CACNB2: variants seen among roughly 807,000 people sequenced by gnomAD.
The protein encoded by CACNB2 is voltage-dependent L-type calcium channel subunit beta-2.
CACNB2 carries 42 observed loss-of-function variants against 73.3 expected under a neutral mutation model. The observed-to-expected ratio is 0.57, with a 90% CI of 0.45 to 0.74. The LOEUF (loss-of-function observed/expected upper bound fraction) is 0.74, where lower values mean the gene tolerates loss of function less well. Among genes scored for constraint, CACNB2 ranks in the 30% least tolerant of loss-of-function variants. The probability of loss-of-function intolerance (pLI) is 0.00; values close to 1 mark genes in which losing one functional copy is unlikely to be tolerated. For synonymous variants in CACNB2, 348 were observed against 310.3 expected (o/e 1.12, Z -1.28); for missense variants, 940 against 853.0 (o/e 1.10, Z -1.27).
At chr10:18,397,834 C>G (rs1363843469) in intron 2 of CACNB2, among the ~76,000 whole-genome samples, 2 of 151,796 alleles carry the variant, frequency 1.3e-5, no homozygotes, top group Non-Finnish European at 2.9e-5. Context: ...AAAGTGAGAG[C>G]TCTAAGGATA....
At position 18,511,643 on chromosome 10, in the gene CACNB2, A is replaced by C. The variant is rs554019981; in HGVS notation, c.671-2593A>C. Reference sequence around the variant, plus strand: ...TATAATATGATGCTTTCCTGCAGTGAGTAAATTTTTTTTCTTCTCCTTGAC... The same window carrying C: ...TATAATATGATGCTTTCCTGCAGTGCGTAAATTTTTTTTCTTCTCCTTGAC... On this transcript the variant is annotated intron_variant, in intron 6 of 13. Transcript: ENST00000324631. 3.3e-5 allele frequency among the ~76,000 whole-genome samples: 5 copies of C among 152,252 alleles called. 1 individual carries two copies. Among genetic ancestry groups the C allele is most frequent in the Admixed American group, 6.5e-5 (1 of 15,294 alleles).
At chr10:18,345,816 G>A (rs1489940258) in intron 2 of CACNB2, among the ~76,000 whole-genome samples, 2 of 152,070 alleles carry the variant, frequency 1.3e-5, no homozygotes, top group Non-Finnish European at 2.9e-5. Context: ...CCTCAGTTTC[G>A]GAATGTGGAG....
At chr10:18,496,719 C>T (rs1202245288) in intron 3 of CACNB2, among the ~76,000 whole-genome samples, 2 of 139,458 alleles carry the variant, frequency 1.4e-5, no homozygotes, top group Non-Finnish European at 3.0e-5. Context: ...GAGGCTGAGG[C>T]AGGAGAACCG....
intron 3 of CACNB2, among the ~76,000 whole-genome samples, chr10:18,483,655 G>A (rs1053994114): frequency 1.3e-5 from 2 of 152,050 alleles, no homozygotes; most frequent in Non-Finnish European, 1.5e-5. Flanking sequence ...AGCTAAAACC[G>A]CAGCTGTTGC....
At position 18,506,540 on chromosome 10, in the gene CACNB2, A is replaced by G. The variant is rs1213446253; in HGVS notation, c.663A>G (p.Pro221=). The change falls in exon 6 of 14, where the codon CCA becomes CCG. Residue 221 remains proline, a synonymous_variant. Coordinates refer to ENST00000324631, the MANE Select transcript of CACNB2 (RefSeq NM_201596.3). The part of the protein sequence containing the change: ...IVPSSRKSTP[P]SSAIDIDATG... ...CTAGTTCCAGAAAATCAACACCTCCATCATCTGGTAAGTAGGTGATAAATG... is the reference window on the plus strand; with the variant it reads ...CTAGTTCCAGAAAATCAACACCTCCGTCATCTGGTAAGTAGGTGATAAATG... 3.8e-6 allele frequency: 6 copies of G among 1,580,040 alleles called. No individual in the cohort carries two copies. The highest frequency in any genetic ancestry group is 5.2e-6 in the Non-Finnish European group (6 of 1,149,272).
At chr10:18,462,638 A>C (rs554946369) in intron 3 of CACNB2, among the ~76,000 whole-genome samples, 1 of 152,324 alleles carries the variant, frequency 6.6e-6, no homozygotes, top group Non-Finnish European at 1.5e-5. Context: ...CTGTCCCTCA[A>C]ACTTTGTATT....
chr10:18,174,768 A>G (rs1383449350), intron 2 of CACNB2, among the ~76,000 whole-genome samples: 3 of 152,168 alleles, frequency 2.0e-5, no homozygotes, highest in East Asian at 3.9e-4. Context: ...ACAGACAAGT[A>G]TGTGTGCCAG....
intron 3 of CACNB2, among the ~76,000 whole-genome samples, chr10:18,474,769 G>GT (rs767758867): frequency 7.8e-4 from 118 of 151,946 alleles, no homozygotes; most frequent in Non-Finnish European, 1.3e-3. Context: ...GATGTGGGTT[G>GT]TTTTCCCCCC....
intron 5 of CACNB2, among the ~76,000 whole-genome samples, chr10:18,504,739 G>A (rs767474969): frequency 2.6e-5 from 4 of 152,030 alleles, no homozygotes; most frequent in Non-Finnish European, 4.4e-5. Flanking sequence ...CCGCCTCCCC[G>A]GTTCAAGCGA....
rs2133342431 is a variant in CACNB2 at position 18,540,256 on chromosome 10, A to T, written c.*532A>T. The T allele has an allele frequency of 5.7e-6, 1 of 174,024 alleles. No homozygotes were observed. Among genetic ancestry groups the T allele is most frequent in the East Asian group, 1.6e-4 (1 of 6,388 alleles). The allele number at this position is 174,024 out of a possible 1,614,324, so 10.8% of individuals were successfully genotyped here. A position where few individuals can be genotyped will look rare whatever the true frequency, so the allele number is the denominator to read the frequency against. ...ATCATAAAGTTAGAATCTATTTTCT[A>T]TGTACTAGTACTGTGTACTGTATAG... On this transcript the variant is annotated 3_prime_UTR_variant, in exon 14 of 14. Transcript: ENST00000324631.
At chr10:18,175,639 C>T (rs2033542724) in intron 2 of CACNB2, among the ~76,000 whole-genome samples, 1 of 152,148 alleles carries the variant, frequency 6.6e-6, no homozygotes, top group Non-Finnish European at 1.5e-5. Context: ...ACTCTGCCGC[C>T]CAGGCTGGAG....
At chr10:18,435,362 G>A (rs2046082849) in intron 3 of CACNB2, among the ~76,000 whole-genome samples, 1 of 152,156 alleles carries the variant, frequency 6.6e-6, no homozygotes, top group African/African-American at 2.4e-5. Context: ...GCATCTACAT[G>A]AACAGAAAAA....
intron 2 of CACNB2, among the ~76,000 whole-genome samples, chr10:18,220,454 G>A (rs537445595): frequency 6.4e-4 from 97 of 150,872 alleles, no homozygotes; most frequent in Non-Finnish European, 1.0e-3. Context: ...TTTTAACAGG[G>A]TTTCACCATG....
chr10:18,345,948 C>G (rs1366632204), intron 2 of CACNB2, among the ~76,000 whole-genome samples: 1 of 152,218 alleles, frequency 6.6e-6, no homozygotes. Context: ...AAAGTGCATT[C>G]TGTCTCACCT....
chr10:18,525,029 T>TAAA (rs35445837), intron 9 of CACNB2, among the ~76,000 whole-genome samples: 12,688 of 107,752 alleles, frequency 0.12, 878 homozygotes, highest in Middle Eastern at 0.21. Flanking sequence ...AGATGCTGTC[T>TAAA]AAAAAAAAAA....
intron 2 of CACNB2, among the ~76,000 whole-genome samples, chr10:18,161,926 C>T (rs1207374474): frequency 6.6e-6 from 1 of 151,886 alleles, no homozygotes. Flanking sequence ...GAGACTCCTT[C>T]TCAGAAATAA....
chr10:18,521,391 C>G (rs1426022112), intron 9 of CACNB2, among the ~76,000 whole-genome samples: 1 of 152,006 alleles, frequency 6.6e-6, no homozygotes, highest in African/African-American at 2.4e-5. Flanking sequence ...TATGACACAG[C>G]ATTATGTGTA....
At chr10:18,351,295 C>T (rs553006723) in intron 2 of CACNB2, among the ~76,000 whole-genome samples, 77 of 152,146 alleles carry the variant, frequency 5.1e-4, no homozygotes, top group Non-Finnish European at 1.0e-3. Context: ...TGTTGTATTA[C>T]AGATGAGAAG....
chr10:18,153,697 T>A lies in CACNB2; in HGVS notation c.213+2722T>A, dbSNP rs2031795690. Among the ~76,000 whole-genome samples, 4 of 150,686 alleles carry A rather than the reference T, an allele frequency of 2.7e-5. No homozygotes were observed. The South Asian group carries it at 8.6e-4, about 32-fold the overall frequency. On this transcript the variant is annotated intron_variant, in intron 2 of 13. Transcript: ENST00000324631. ...CCTGGGTTCAAGTGAGTCTCCTGCC[T>A]CAGCCTTGCGAGTAGCTGGGATTAC...
Sources: gnomAD v4.1 joint callset for allele counts (sites outside exome capture counted in the v4.1 genomes callset) on GRCh38, gnomAD v4.1.1 for gene constraint, MANE v1.5 for transcripts, NCBI Gene and HGNC (gene_info 2026-07-23, HGNC 2026-07-21) for gene names.